ALG12: variants seen among roughly 807,000 people sequenced by gnomAD.
ALG12 encodes the protein dol-P-Man:Man(7)GlcNAc(2)-PP-Dol alpha-1,6-mannosyltransferase.
ALG12 carries 36 observed loss-of-function variants against 46.0 expected under a neutral mutation model. The ratio of observed to expected loss-of-function variants is 0.78; its 90% CI spans 0.60 to 1.03. ALG12 has a LOEUF of 1.03. ALG12 is among the 50% of genes least tolerant of loss of function. The pLI is 0.00. For synonymous variants in ALG12, 326 were observed against 291.6 expected (o/e 1.12, Z -1.20); for missense variants, 599 against 633.5 (o/e 0.95, Z 0.58).
chr22:49,900,308 C>T lies in ALG12; in HGVS notation c.*3530G>A, dbSNP rs1569170483. Reference sequence around the variant, plus strand: ...GACAATTATGCTCATTACCAAAAAGCGAGGAGGAGGTACAGGAGGGAGTGG... The same window carrying T: ...GACAATTATGCTCATTACCAAAAAGTGAGGAGGAGGTACAGGAGGGAGTGG... On this transcript the variant is annotated 3_prime_UTR_variant, in exon 10 of 10. Transcript: ENST00000330817. The T allele has an allele frequency of 6.6e-6, 1 of 152,082 alleles. No homozygotes were observed. The highest frequency in any genetic ancestry group is 1.5e-5 in the Non-Finnish European group (1 of 68,022). The allele number at this position is 152,082 out of a possible 1,614,324, so 9.4% of individuals were successfully genotyped here.
downstream of ALG12, among the ~76,000 whole-genome samples, chr22:49,899,247 C>T (rs568928867): frequency 5.3e-5 from 8 of 152,064 alleles, no homozygotes; most frequent in South Asian, 1.5e-3. Flanking sequence ...GAGGCCGAGG[C>T]GAGTGGATCA....
the ALG12 span, among the ~76,000 whole-genome samples, chr22:49,881,376 C>T: frequency 6.6e-6 from 1 of 152,220 alleles, no homozygotes; most frequent in Non-Finnish European, 1.5e-5. Flanking sequence ...TTTTCTAATT[C>T]ATCTGTAGAA....
the ALG12 span, among the ~76,000 whole-genome samples, chr22:49,868,777 C>T: frequency 3.3e-5 from 5 of 151,892 alleles, no homozygotes; most frequent in Non-Finnish European, 7.4e-5. Flanking sequence ...GGAAATCTGC[C>T]AGGAGGGTGG....
the ALG12 span, among the ~76,000 whole-genome samples, chr22:49,877,306 T>C: frequency 7.4e-6 from 1 of 135,106 alleles, no homozygotes; most frequent in East Asian, 2.2e-4. Flanking sequence ...TATTTATTTA[T>C]TTTGAGATGG....
chr22:49,883,721 T>C, the ALG12 span: 2 of 1,607,214 alleles, frequency 1.2e-6, no homozygotes, highest in Non-Finnish European at 1.7e-6. Context: ...TCTGATAAAA[T>C]AAAGTTTAAA....
the ALG12 span, among the ~76,000 whole-genome samples, chr22:49,878,965 A>G: frequency 3.3e-5 from 5 of 151,806 alleles, no homozygotes; most frequent in African/African-American, 1.2e-4. Flanking sequence ...CAACATGGTG[A>G]AACCCCGTCT....
Position 49,913,732 on chromosome 22 carries a change from G to C in ALG12, c.34C>G (p.Leu12Val). ...ACGGCCACCAGCAGCCCCAGCAGCA[G>C]GGGCCGCCTGCCTGATGACCCCTTT... ...AGKGSSGRRP[L>V]LLGLLVAVAT... is the part of the protein sequence containing the mutation. Residue 12 changes from leucine to valine, a missense_variant, in exon 2 of 10, where the codon CTG (leucine) becomes GTG (valine). Leu to Val is a conservative substitution (Grantham distance 32, BLOSUM62 1). Transcript: ENST00000330817. The C allele has an allele frequency of 1.2e-6, 2 of 1,613,784 alleles. No homozygotes were observed. The highest frequency in any genetic ancestry group is 1.7e-6 in the Non-Finnish European group (2 of 1,180,042).
the ALG12 span, among the ~76,000 whole-genome samples, chr22:49,879,867 GTTT>G: frequency 3.5e-5 from 2 of 56,912 alleles, no homozygotes; most frequent in African/African-American, 1.1e-4. Flanking sequence ...CTATTGGTTG[GTTT>G]TTCTCCTGGT....
chr22:49,884,043 T>C, the ALG12 span: 2 of 1,602,160 alleles, frequency 1.2e-6, no homozygotes. Flanking sequence ...TTTTTATCTC[T>C]CCCCGAGACA....
chr22:49,862,693 C>CTTTTTTTTTT, the ALG12 span, among the ~76,000 whole-genome samples: 1 of 58,988 alleles, frequency 1.7e-5, no homozygotes, highest in African/African-American at 5.6e-5. Flanking sequence ...TAAGTTTTTC[C>CTTTTTTTTTT]TTTTTTTTTT....
At chr22:49,866,966 CT>C in the ALG12 span, among the ~76,000 whole-genome samples, 1 of 152,124 alleles carries the variant, frequency 6.6e-6, no homozygotes, top group African/African-American at 2.4e-5. Context: ...GTTTGGTTTG[CT>C]GTTTTTTCTA....
chr22:49,889,616 T>TAGGAGAGTC, the ALG12 span: 1 of 167,198 alleles, frequency 6.0e-6, no homozygotes, highest in African/African-American at 2.4e-5. Context: ...TGAATGACAC[T>TAGGAGAGTC]AGGAGAGTCA....
chr22:49,878,301 CAA>C, the ALG12 span, among the ~76,000 whole-genome samples: 34 of 107,202 alleles, frequency 3.2e-4, no homozygotes, highest in Admixed American at 1.0e-3. Flanking sequence ...GACACTGTCT[CAA>C]AAAAAAAAAA....
the ALG12 span, among the ~76,000 whole-genome samples, chr22:49,891,398 G>A: frequency 6.6e-6 from 1 of 152,160 alleles, no homozygotes; most frequent in African/African-American, 2.4e-5. Context: ...CTGTGGTCTT[G>A]GCTATTGTTC....
the ALG12 span, chr22:49,883,727 T>G: frequency 6.2e-7 from 1 of 1,609,182 alleles, no homozygotes; most frequent in Middle Eastern, 1.7e-4. Context: ...AAAATAAAGT[T>G]TAAAATAGAA....
downstream of ALG12, among the ~76,000 whole-genome samples, chr22:49,899,447 C>A (rs1310292550): frequency 6.6e-6 from 1 of 150,526 alleles, no homozygotes; most frequent in Non-Finnish European, 1.5e-5. Flanking sequence ...CACTGCACTC[C>A]AGCCTGGGTG....
intron 1 of ALG12, among the ~76,000 whole-genome samples, chr22:49,916,305 G>A (rs187994023): frequency 1.3e-3 from 197 of 151,760 alleles, no homozygotes; most frequent in Non-Finnish European, 2.1e-3. Context: ...TCCAACGGCC[G>A]GGCGTGGTGG....
chr22:49,909,869 A>C, intron 5 of ALG12, 25 bp downstream of exon 5: 1 of 1,613,958 alleles, frequency 6.2e-7, no homozygotes, highest in African/African-American at 1.3e-5. Context: ...ATCCAGTTAG[A>C]AGCATCCCAC....
At chr22:49,862,391 ACTGCG>A in the ALG12 span, among the ~76,000 whole-genome samples, 1 of 152,286 alleles carries the variant, frequency 6.6e-6, no homozygotes. Flanking sequence ...GGCGTAAGCC[ACTGCG>A]CCCAGCCTAG....
Sources: gnomAD v4.1 joint callset for allele counts (sites outside exome capture counted in the v4.1 genomes callset) on GRCh38, gnomAD v4.1.1 for gene constraint, MANE v1.5 for transcripts, NCBI Gene and HGNC (gene_info 2026-07-23, HGNC 2026-07-21) for gene names.